Variants in STXBP5L observed in about 807,000 individuals in gnomAD.
The protein encoded by STXBP5L is syntaxin binding protein 5L.
Under a neutral mutation model 144.5 loss-of-function variants are expected in STXBP5L, and 65 were observed. That is an observed-to-expected ratio of 0.45 (90% CI 0.37 to 0.55). The LOEUF is 0.55. Among genes scored for constraint, STXBP5L ranks in the 20% least tolerant of loss-of-function variants. STXBP5L has a pLI of 0.00. For missense variants in STXBP5L, 1,298 were observed against 1,405.5 expected, an observed-to-expected ratio of 0.92 and a Z score of 1.22; for synonymous variants, 505 against 469.6, an observed-to-expected ratio of 1.08 and a Z score of -0.97.
chr3:121,269,148 A>G (rs897949307), intron 18 of STXBP5L, among the ~76,000 whole-genome samples: 2 of 152,156 alleles, frequency 1.3e-5, no homozygotes, highest in Non-Finnish European at 2.9e-5. Flanking sequence ...GGAAAAAAGC[A>G]TAAGACAATC....
chr3:121,054,669 A>C (rs905139966), intron 5 of STXBP5L, among the ~76,000 whole-genome samples: 2 of 151,824 alleles, frequency 1.3e-5, no homozygotes, highest in Non-Finnish European at 2.9e-5. Flanking sequence ...CAGCACACCA[A>C]CATGGCATAT....
intron 9 of STXBP5L, among the ~76,000 whole-genome samples, chr3:121,198,243 G>T (rs188703974): frequency 3.3e-5 from 5 of 152,330 alleles, no homozygotes; most frequent in Admixed American, 3.3e-4. Flanking sequence ...CTAATGACCA[G>T]TGATGATGAA....
intron 23 of STXBP5L, among the ~76,000 whole-genome samples, chr3:121,410,429 A>G (rs111484364): frequency 3.4e-4 from 52 of 152,190 alleles, no homozygotes; most frequent in Non-Finnish European, 5.2e-4. Flanking sequence ...AAGTGTAGCT[A>G]GGAAACAATG....
At chr3:121,211,149 C>T (rs1416536106) in intron 10 of STXBP5L, among the ~76,000 whole-genome samples, 3 of 152,112 alleles carry the variant, frequency 2.0e-5, no homozygotes, top group Admixed American at 2.0e-4. Flanking sequence ...TCCTTGACAT[C>T]CCTTGTAAGT....
At chr3:121,156,074 C>A (rs1178207968) in intron 8 of STXBP5L, among the ~76,000 whole-genome samples, 1 of 151,908 alleles carries the variant, frequency 6.6e-6, no homozygotes, top group Non-Finnish European at 1.5e-5. Flanking sequence ...AGTATTTTAT[C>A]TCTAACTTCC....
At chr3:121,166,849 G>A (rs1036522795) in intron 9 of STXBP5L, among the ~76,000 whole-genome samples, 1 of 152,120 alleles carries the variant, frequency 6.6e-6, no homozygotes. Flanking sequence ...AAATAGCTCA[G>A]AAGTGAAATA....
At chr3:121,012,104 A>C (rs1029328918) in intron 3 of STXBP5L, among the ~76,000 whole-genome samples, 1 of 151,904 alleles carries the variant, frequency 6.6e-6, no homozygotes, top group Non-Finnish European at 1.5e-5. Context: ...ATTTCATTTA[A>C]TATAATGTTT....
intron 20 of STXBP5L, among the ~76,000 whole-genome samples, chr3:121,376,321 G>A (rs764417706): frequency 2.6e-5 from 4 of 152,154 alleles, no homozygotes; most frequent in African/African-American, 4.8e-5. Flanking sequence ...CTTCTTAACT[G>A]CACAGTAAGA....
At chr3:121,036,621 A>G (rs1946770563) in intron 3 of STXBP5L, among the ~76,000 whole-genome samples, 1 of 152,096 alleles carries the variant, frequency 6.6e-6, no homozygotes, top group African/African-American at 2.4e-5. Context: ...ATTTTCCTTA[A>G]ATGAACTTAA....
intron 20 of STXBP5L, among the ~76,000 whole-genome samples, chr3:121,346,944 G>C (rs1202419244): frequency 2.6e-5 from 4 of 151,552 alleles, no homozygotes; most frequent in South Asian, 4.2e-4. Context: ...TGTGCAGAAG[G>C]TCTTTAGTTT....
intron 3 of STXBP5L, among the ~76,000 whole-genome samples, chr3:121,007,946 G>A (rs1171450384): frequency 6.6e-6 from 1 of 151,764 alleles, no homozygotes; most frequent in Admixed American, 6.6e-5. Flanking sequence ...TTTATAATGG[G>A]AGAGTTAGTG....
At chr3:121,021,614 C>A (rs1228011496) in intron 3 of STXBP5L, among the ~76,000 whole-genome samples, 1 of 152,066 alleles carries the variant, frequency 6.6e-6, no homozygotes, top group African/African-American at 2.4e-5. Flanking sequence ...TCAAAAGGAA[C>A]CCTCAAAACC....
intron 20 of STXBP5L, among the ~76,000 whole-genome samples, chr3:121,359,159 C>A (rs374799172): frequency 1.3e-5 from 2 of 152,012 alleles, no homozygotes; most frequent in Non-Finnish European, 2.9e-5. Flanking sequence ...TTAACTTAAG[C>A]GAGATGATAT....
chr3:121,004,471 A>G (rs1192824912), intron 3 of STXBP5L, among the ~76,000 whole-genome samples: 5 of 151,876 alleles, frequency 3.3e-5, no homozygotes, highest in Middle Eastern at 3.4e-3. Context: ...GGGGTTTTCT[A>G]GATATACAAT....
chr3:121,253,797 A>ATT (rs373767147), intron 15 of STXBP5L, among the ~76,000 whole-genome samples: 1,980 of 120,602 alleles, frequency 0.016, 68 homozygotes, highest in African/African-American at 0.061. Flanking sequence ...CGCCCCGCTA[A>ATT]TTTTTTTTTT....
intron 3 of STXBP5L, among the ~76,000 whole-genome samples, chr3:121,008,078 AG>A (rs1236162686): frequency 6.6e-6 from 1 of 151,726 alleles, no homozygotes; most frequent in Non-Finnish European, 1.5e-5. Context: ...CTGCTATTTT[AG>A]GTTTCTTTCC....
At chr3:121,100,810 TG>T (rs1253284577) in intron 5 of STXBP5L, among the ~76,000 whole-genome samples, 1 of 151,068 alleles carries the variant, frequency 6.6e-6, no homozygotes, top group East Asian at 1.9e-4. Flanking sequence ...AAAAAAAAGT[TG>T]GTTCTTTGAA....
At chr3:121,248,066 CTT>C (rs985599908) in intron 14 of STXBP5L, among the ~76,000 whole-genome samples, 1 of 150,864 alleles carries the variant, frequency 6.6e-6, no homozygotes, top group African/African-American at 2.4e-5. Flanking sequence ...TTTTTTTCTT[CTT>C]TTTTTTGATT....
At position 121,068,501 on chromosome 3, in the gene STXBP5L, A is replaced by G. The variant is rs2107653510; in HGVS notation, c.470+22966A>G. Among the ~76,000 whole-genome samples, 3 of 152,082 alleles carry G rather than the reference A, an allele frequency of 2.0e-5. No individual in the cohort carries two copies. The East Asian group carries it at 5.8e-4, about 29-fold the overall frequency. The stretch of plus-strand genomic sequence containing the variant: ...ATTTTTTCACGCTTTTTGAGGGATT[A>G]TCTTTAATAACTCTTTTTGAGGATT... On this transcript the variant is annotated intron_variant, in intron 5 of 26. Transcript: ENST00000471454.
Sources: gnomAD v4.1 joint callset for allele counts (sites outside exome capture counted in the v4.1 genomes callset) on GRCh38, gnomAD v4.1.1 for gene constraint, MANE v1.5 for transcripts, NCBI Gene and HGNC (gene_info 2026-07-23, HGNC 2026-07-21) for gene names.